R3HDM2: variants seen among roughly 807,000 people sequenced by gnomAD.
The protein encoded by R3HDM2 is R3H domain containing 2.
Under a neutral mutation model 124.5 loss-of-function variants are expected in R3HDM2, and 38 were observed. That is an observed-to-expected ratio of 0.31 (90% CI 0.24 to 0.40). The LOEUF is 0.40. Ranked by LOEUF, R3HDM2 falls within the 10% of genes least tolerant of loss-of-function variation. The pLI is 1.00. For missense variants in R3HDM2, 869 were observed against 1,236.9 expected (o/e 0.70, Z 4.46); for synonymous variants, 391 against 448.0 (o/e 0.87, Z 1.61).
At chr12:57,324,225 C>T (rs1321202702) in intron 2 of R3HDM2, among the ~76,000 whole-genome samples, 1 of 152,102 alleles carries the variant, frequency 6.6e-6, no homozygotes, top group East Asian at 1.9e-4. Flanking sequence ...CTCTTGTTGC[C>T]CAGGCTAGAG....
At chr12:57,359,582 A>G (rs2061646316) in intron 2 of R3HDM2, among the ~76,000 whole-genome samples, 1 of 152,142 alleles carries the variant, frequency 6.6e-6, no homozygotes. Context: ...GTATTGAAAT[A>G]TATTTAAAAG....
chr12:57,272,366 T>C (rs1256287180), intron 14 of R3HDM2: 1 of 1,146,488 alleles, frequency 8.7e-7, no homozygotes, highest in East Asian at 2.6e-5. Flanking sequence ...CACAACATGC[T>C]TACAAGGCCA....
At chr12:57,267,114 T>C (rs1304269394) in intron 18 of R3HDM2, among the ~76,000 whole-genome samples, 1 of 151,742 alleles carries the variant, frequency 6.6e-6, no homozygotes, top group Non-Finnish European at 1.5e-5. Flanking sequence ...CAGACACACA[T>C]ACATGCACAT....
At chr12:57,317,565 T>G (rs1379274095) in intron 2 of R3HDM2, among the ~76,000 whole-genome samples, 1 of 148,878 alleles carries the variant, frequency 6.7e-6, no homozygotes, top group Non-Finnish European at 1.5e-5. Context: ...ATATGTGAAG[T>G]TATAAATCCT....
At chr12:57,412,079 G>A (rs1202251601) in intron 1 of R3HDM2, among the ~76,000 whole-genome samples, 1 of 152,166 alleles carries the variant, frequency 6.6e-6, no homozygotes, top group Non-Finnish European at 1.5e-5. Context: ...ATTCGAAACT[G>A]TGAGTCAATT....
intron 18 of R3HDM2, among the ~76,000 whole-genome samples, chr12:57,267,724 T>C (rs2042797836): frequency 6.6e-6 from 1 of 152,186 alleles, no homozygotes; most frequent in Admixed American, 6.5e-5. Context: ...CAGACTCCAG[T>C]TCTTGTTCCA....
chr12:57,411,857 A>G (rs2069034070), intron 1 of R3HDM2, among the ~76,000 whole-genome samples: 1 of 152,164 alleles, frequency 6.6e-6, no homozygotes, highest in African/African-American at 2.4e-5. Context: ...CTGGGTGTTG[A>G]CGGAGAGACC....
intron 2 of R3HDM2, among the ~76,000 whole-genome samples, chr12:57,326,720 T>C (rs1011649374): frequency 6.6e-6 from 1 of 152,256 alleles, no homozygotes; most frequent in African/African-American, 2.4e-5. Flanking sequence ...GGAGATGTCA[T>C]CTTTCATAGC....
At chr12:57,338,492 T>C (rs1258459470) in intron 2 of R3HDM2, among the ~76,000 whole-genome samples, 1 of 152,190 alleles carries the variant, frequency 6.6e-6, no homozygotes, top group Non-Finnish European at 1.5e-5. Context: ...TATGTTCAAG[T>C]GATCCTCCTG....
At chr12:57,329,037 A>G (rs76195886) in intron 2 of R3HDM2, among the ~76,000 whole-genome samples, 5,354 of 152,276 alleles carry the variant, frequency 0.035, 196 homozygotes, top group East Asian at 0.2. Flanking sequence ...GGTATCTCAT[A>G]TATATAAAAA....
rs954955389 is a variant in R3HDM2, at chr12:57,302,175, G to A, written c.207+1001C>T. Among the ~76,000 whole-genome samples, 32 of 152,188 alleles carry A rather than the reference G, an allele frequency of 2.1e-4. 1 individual carries two copies. Among genetic ancestry groups the A allele is most frequent in the African/African-American group, 7.7e-4 (32 of 41,518 alleles). On this transcript the variant is annotated intron_variant, in intron 4 of 23. Coordinates refer to ENST00000402412, the MANE Select transcript of R3HDM2 (RefSeq NM_001394031.1). ...GTGTGCCTGTAAGCCCAGCTGCTTG[G>A]GAGGCTAAGGCATGAGAATCACTTG...
intron 1 of R3HDM2, among the ~76,000 whole-genome samples, chr12:57,425,021 C>G (rs1288908894): frequency 6.6e-6 from 1 of 152,026 alleles, no homozygotes; most frequent in Non-Finnish European, 1.5e-5. Context: ...GCCTATAATC[C>G]CAGCACTTCA....
intron 2 of R3HDM2, chr12:57,341,446 C>T: frequency 3.1e-6 from 3 of 983,136 alleles, no homozygotes; most frequent in Non-Finnish European, 3.6e-6. Context: ...AAGAAAAAGA[C>T]TGCAAACAAA....
chr12:57,313,528 C>T (rs946617902), intron 2 of R3HDM2, among the ~76,000 whole-genome samples: 2 of 149,994 alleles, frequency 1.3e-5, no homozygotes, highest in African/African-American at 4.9e-5. Flanking sequence ...TCTGCCACTG[C>T]ACTACAGCCT....
intron 13 of R3HDM2, among the ~76,000 whole-genome samples, chr12:57,282,265 C>T (rs1205571833): frequency 4.8e-5 from 7 of 145,166 alleles, no homozygotes; most frequent in African/African-American, 1.8e-4. Context: ...GAGCCGAGGT[C>T]GTGCCATTGC....
chr12:57,312,299 T>A (rs1408116313), intron 2 of R3HDM2, among the ~76,000 whole-genome samples: 1 of 151,890 alleles, frequency 6.6e-6, no homozygotes, highest in Non-Finnish European at 1.5e-5. Flanking sequence ...AGGCTACTGC[T>A]TTGTGATTTT....
chr12:57,307,786 A>C (rs1262827151), intron 3 of R3HDM2, among the ~76,000 whole-genome samples: 1 of 151,340 alleles, frequency 6.6e-6, no homozygotes, highest in Non-Finnish European at 1.5e-5. Context: ...CCACATGCCC[A>C]GCTCAGAAGC....
At chr12:57,373,670 G>A (rs1159023559) in intron 2 of R3HDM2, among the ~76,000 whole-genome samples, 4 of 151,872 alleles carry the variant, frequency 2.6e-5, no homozygotes, top group African/African-American at 7.3e-5. Context: ...TTAGCGGGGG[G>A]TGGTGGCGCA....
rs868693106 is a variant in R3HDM2 at position 57,430,949 on chromosome 12, C to G, written c.-335G>C. 68 of 142,954 alleles carry G rather than the reference C, an allele frequency of 4.8e-4. No individual in the cohort carries two copies. Among genetic ancestry groups the G allele is most frequent in the African/African-American group, 1.7e-3 (66 of 38,030 alleles). 8.9% of individuals were successfully genotyped at this position (142,954 alleles called of 1,614,324 possible). On this transcript the variant is annotated 5_prime_UTR_variant, in exon 1 of 24. Coordinates refer to ENST00000402412, the MANE Select transcript of R3HDM2 (RefSeq NM_001394031.1). The stretch of plus-strand genomic sequence containing the variant: ...GGGAGAGGGGAAGAAAAGGGGGGAA[C>G]CAAACCCGGAAAGGGAGAAAAGGGG...
Sources: gnomAD v4.1 joint callset for allele counts (sites outside exome capture counted in the v4.1 genomes callset) on GRCh38, gnomAD v4.1.1 for gene constraint, MANE v1.5 for transcripts, NCBI Gene and HGNC (gene_info 2026-07-23, HGNC 2026-07-21) for gene names.